Variants in LAMA2 observed in about 807,000 individuals in gnomAD.
The protein encoded by LAMA2 is laminin subunit alpha-2.
A neutral mutation model predicts 364.8 loss-of-function variants in LAMA2; 269 were observed. The ratio of observed to expected loss-of-function variants is 0.74; its 90% CI spans 0.67 to 0.82. The LOEUF is 0.82. LAMA2 is among the 40% of genes least tolerant of loss of function. LAMA2 has a pLI of 0.00. For missense variants in LAMA2, 3,807 were observed against 3,873.2 expected (o/e 0.98, Z 0.45); for synonymous variants, 1,379 against 1,370.6 (o/e 1.01, Z -0.14).
intron 12 of LAMA2, among the ~76,000 whole-genome samples, chr6:129,210,498 C>T (rs1783025599): frequency 1.3e-5 from 2 of 152,142 alleles, no homozygotes; most frequent in African/African-American, 4.8e-5. Flanking sequence ...GGAAGTCTAA[C>T]ATGTACTGCC....
chr6:128,920,648 GTA>G (rs1778643546), intron 1 of LAMA2, among the ~76,000 whole-genome samples: 1 of 150,216 alleles, frequency 6.7e-6, no homozygotes, highest in African/African-American at 2.5e-5. Flanking sequence ...GGCCTTATAA[GTA>G]TTTGTTATAC....
At chr6:129,456,567 G>T in intron 48 of LAMA2, 73 bp downstream of exon 48, 3 of 1,334,170 alleles carry the variant, frequency 2.2e-6, no homozygotes. Flanking sequence ...TCAGGAGAAG[G>T]TATGATAAAG....
At chr6:129,512,534 T>C in intron 63 of LAMA2, 41 bp downstream of exon 63, 1 of 1,607,700 alleles carries the variant, frequency 6.2e-7, no homozygotes, top group Non-Finnish European at 8.5e-7. Context: ...TTCTTCATGA[T>C]ATTGTTGATG....
rs146034673 is a variant in LAMA2 at position 128,940,908 on chromosome 6, G to A, written c.112+57551G>A. On this transcript the variant is annotated intron_variant, in intron 1 of 64. Transcript: ENST00000421865. ...CCAGGCTGCAGCGTGCTGAGATCAT[G>A]CCACTGTGCTCCAGGCTGGGTGACA... 7.9e-3 allele frequency among the ~76,000 whole-genome samples: 1,206 copies of A among 152,300 alleles called. 17 individuals carry two copies. The highest frequency in any genetic ancestry group is 0.024 in the Middle Eastern group (7 of 294).
At chr6:129,441,982 C>CAA (rs796747068) in intron 43 of LAMA2, among the ~76,000 whole-genome samples, 1 of 136,360 alleles carries the variant, frequency 7.3e-6, no homozygotes, top group Non-Finnish European at 1.6e-5. Context: ...GATGCTGTCT[C>CAA]AAAAAAAAAA....
intron 1 of LAMA2, chr6:128,930,045 G>A (rs1414621659): frequency 1.7e-5 from 7 of 412,616 alleles, no homozygotes; most frequent in East Asian, 1.1e-4. Context: ...GCGCCGTGGC[G>A]CCCGCAGCCC....
chr6:129,037,666 A>ATTTT (rs375410908), intron 1 of LAMA2, among the ~76,000 whole-genome samples: 3 of 140,764 alleles, frequency 2.1e-5, no homozygotes, highest in Non-Finnish European at 4.6e-5. Flanking sequence ...ATTTAATTTA[A>ATTTT]TTTTTTTTTT....
intron 62 of LAMA2, 82 bp from the exon 63 acceptor site, chr6:129,512,281 A>T (rs1786649693): frequency 7.5e-7 from 1 of 1,334,878 alleles, no homozygotes; most frequent in Non-Finnish European, 1.1e-6. Context: ...TTGAAATATA[A>T]TAAAAAGTCA....
At chr6:128,980,673 A>C (rs919734899) in intron 1 of LAMA2, among the ~76,000 whole-genome samples, 3 of 152,178 alleles carry the variant, frequency 2.0e-5, no homozygotes, top group African/African-American at 7.2e-5. Flanking sequence ...TTTCATATAA[A>C]ACTATTTTTG....
intron 40 of LAMA2, 92 bp downstream of exon 40, chr6:129,404,051 G>C (rs577964941): frequency 7.0e-7 from 1 of 1,423,744 alleles, no homozygotes; most frequent in African/African-American, 1.4e-5. Context: ...CAGTAAATTG[G>C]TATATTTGTT....
chr6:129,464,109 G>A (rs1783409938), intron 49 of LAMA2, among the ~76,000 whole-genome samples, 181 bp from the exon 50 acceptor site: 1 of 151,864 alleles, frequency 6.6e-6, no homozygotes, highest in Non-Finnish European at 1.5e-5. Context: ...GGTGAGAGGT[G>A]GTTTTTACTT....
intron 15 of LAMA2, among the ~76,000 whole-genome samples, chr6:129,264,480 C>A (rs1787360682): frequency 6.6e-6 from 1 of 151,968 alleles, no homozygotes; most frequent in Non-Finnish European, 1.5e-5. Context: ...TTATAATATT[C>A]AGGTCTTAAA....
chr6:128,940,612 C>G (rs1451497910), intron 1 of LAMA2, among the ~76,000 whole-genome samples: 1 of 152,020 alleles, frequency 6.6e-6, no homozygotes, highest in Non-Finnish European at 1.5e-5. Context: ...ATGACTGAAA[C>G]AAAGAGTTCC....
At chr6:129,485,250 C>T (rs545147016) in intron 55 of LAMA2, among the ~76,000 whole-genome samples, 1 of 152,222 alleles carries the variant, frequency 6.6e-6, no homozygotes, top group Admixed American at 6.5e-5. Context: ...CAAATTTCTC[C>T]TCTTCAAGAT....
Position 129,464,371 on chromosome 6 carries a change from C to T in LAMA2, c.7074C>T (p.Tyr2358=). ...TGGTCAGCCGTCCCATTCGCTGGTA[C>T]CCCAACATCTCCACTGTCATGTTCA... The part of the protein sequence containing the change: ...YALVSRPIRW[Y]PNISTVMFKF... The change falls in exon 50 of 65, where the codon TAC becomes TAT. Residue 2358 remains tyrosine, a synonymous_variant. Transcript: ENST00000421865. 1 of 1,611,578 alleles carries T rather than the reference C, an allele frequency of 6.2e-7. No individual in the cohort carries two copies. The highest frequency in any genetic ancestry group is 1.1e-5 in the South Asian group (1 of 91,034).
intron 1 of LAMA2, among the ~76,000 whole-genome samples, chr6:128,949,179 T>A (rs1175135188): frequency 6.6e-6 from 1 of 152,230 alleles, no homozygotes; most frequent in Non-Finnish European, 1.5e-5. Flanking sequence ...GGCTACTAAT[T>A]TCTCAAGGAC....
intron 28 of LAMA2, among the ~76,000 whole-genome samples, chr6:129,323,145 A>G (rs1440559771): frequency 6.6e-6 from 1 of 152,198 alleles, no homozygotes; most frequent in African/African-American, 2.4e-5. Context: ...CCTCTTATTT[A>G]TAATTCATCT....
intron 18 of LAMA2, among the ~76,000 whole-genome samples, chr6:129,286,482 G>A (rs1382410032): frequency 7.1e-6 from 1 of 141,590 alleles, no homozygotes; most frequent in African/African-American, 2.7e-5. Flanking sequence ...TGCTGCTATC[G>A]TTTTTAAAAA....
At chr6:129,483,802 T>C (rs1430600662) in intron 55 of LAMA2, among the ~76,000 whole-genome samples, 1 of 151,982 alleles carries the variant, frequency 6.6e-6, no homozygotes, top group Admixed American at 6.6e-5. Flanking sequence ...ACCCTGAAAA[T>C]ACACAAGCAT....
Sources: gnomAD v4.1 joint callset for allele counts (sites outside exome capture counted in the v4.1 genomes callset) on GRCh38, gnomAD v4.1.1 for gene constraint, MANE v1.5 for transcripts, NCBI Gene and HGNC (gene_info 2026-07-23, HGNC 2026-07-21) for gene names.